The following PPP2R2C variants were observed in gnomAD, a reference collection of about 807,000 sequenced individuals.
The protein encoded by PPP2R2C is protein phosphatase 2 regulatory subunit Bgamma.
PPP2R2C carries 10 observed loss-of-function variants against 45.3 expected under a neutral mutation model. The ratio of observed to expected loss-of-function variants is 0.22; its 90% confidence interval spans 0.14 to 0.37. The LOEUF is 0.37. Among genes scored for constraint, PPP2R2C ranks in the 10% least tolerant of loss-of-function variants. The probability of loss-of-function intolerance (pLI) is 1.00; values close to 1 mark genes in which losing one functional copy is unlikely to be tolerated. For synonymous variants in PPP2R2C, 257 were observed against 245.4 expected (o/e 1.05, Z -0.44); for missense variants, 308 against 619.7 (o/e 0.50, Z 5.34).
chr4:6,406,189 G>A (rs914309809), intron 1 of PPP2R2C, among the ~76,000 whole-genome samples: 2 of 152,192 alleles, frequency 1.3e-5, no homozygotes, highest in African/African-American at 4.8e-5. Flanking sequence ...TCCTGAATGT[G>A]TCTGATGTGC....
At chr4:6,384,897 C>G (rs1036062223) in intron 1 of PPP2R2C, 2 of 966,640 alleles carry the variant, frequency 2.1e-6, no homozygotes, top group African/African-American at 3.5e-5. Flanking sequence ...AGTGCTTCAG[C>G]TGTGTGGTCT....
intron 1 of PPP2R2C, among the ~76,000 whole-genome samples, chr4:6,442,297 C>T (rs55938686): frequency 0.019 from 2,898 of 152,364 alleles, 27 homozygotes; most frequent in Non-Finnish European, 0.028. Context: ...GCTGATTCTG[C>T]CCAGAGAGGG....
At chr4:6,416,696 G>A (rs765119927) in intron 1 of PPP2R2C, among the ~76,000 whole-genome samples, 3 of 152,192 alleles carry the variant, frequency 2.0e-5, no homozygotes, top group Non-Finnish European at 4.4e-5. Context: ...CCTCCAGCCC[G>A]GGACCACAGA....
chr4:6,493,314 T>G (rs1435421797), intron 2 of PPP2R2C, among the ~76,000 whole-genome samples: 1 of 151,756 alleles, frequency 6.6e-6, no homozygotes, highest in African/African-American at 2.4e-5. Flanking sequence ...TCAGGACTAT[T>G]GTCTGTCTCC....
intron 1 of PPP2R2C, among the ~76,000 whole-genome samples, chr4:6,537,198 A>G (rs891647836): frequency 2.6e-5 from 4 of 152,044 alleles, no homozygotes; most frequent in African/African-American, 9.7e-5. Context: ...GCGAGACTCC[A>G]TCTCAAAAAA....
chr4:6,536,099 C>T (rs1015117819), intron 1 of PPP2R2C, among the ~76,000 whole-genome samples: 1 of 152,102 alleles, frequency 6.6e-6, no homozygotes, highest in South Asian at 2.1e-4. Context: ...CTCTGTGTAG[C>T]CTGAGGAAGG....
chr4:6,560,850 C>T (rs1273042195), intron 1 of PPP2R2C, among the ~76,000 whole-genome samples: 2 of 152,226 alleles, frequency 1.3e-5, no homozygotes, highest in Non-Finnish European at 2.9e-5. Flanking sequence ...GAGCATGGAG[C>T]GTGTGCTCCT....
At chr4:6,510,902 G>A (rs988435599) in intron 2 of PPP2R2C, among the ~76,000 whole-genome samples, 11 of 150,154 alleles carry the variant, frequency 7.3e-5, no homozygotes, top group Non-Finnish European at 1.2e-4. Flanking sequence ...GCTGGAACCC[G>A]GGAGGCAAAG....
chr4:6,466,711 C>G (rs550664127), intron 1 of PPP2R2C, among the ~76,000 whole-genome samples: 2 of 152,242 alleles, frequency 1.3e-5, no homozygotes, highest in South Asian at 2.1e-4. Context: ...ACCAAACATC[C>G]CTTAGCTCTG....
At chr4:6,543,739 G>T (rs1029103547) in intron 1 of PPP2R2C, among the ~76,000 whole-genome samples, 1 of 152,140 alleles carries the variant, frequency 6.6e-6, no homozygotes, top group South Asian at 2.1e-4. Flanking sequence ...AGGCTCCCTT[G>T]CCCTGCCCGT....
At chr4:6,543,050 GC>G (rs142770777) in intron 1 of PPP2R2C, among the ~76,000 whole-genome samples, 16,294 of 152,268 alleles carry the variant, frequency 0.11, 1,147 homozygotes, top group Non-Finnish European at 0.17. Flanking sequence ...CCACCCAGAC[GC>G]CCCGCAAGGA....
intron 2 of PPP2R2C, among the ~76,000 whole-genome samples, chr4:6,527,558 A>T (rs925920402): frequency 6.6e-6 from 1 of 152,206 alleles, no homozygotes; most frequent in African/African-American, 2.4e-5. Flanking sequence ...ACAGCTTGCC[A>T]GGGACTTGCC....
intron 3 of PPP2R2C, among the ~76,000 whole-genome samples, chr4:6,376,806 G>A (rs564074010): frequency 2.0e-5 from 3 of 152,226 alleles, no homozygotes; most frequent in Non-Finnish European, 4.4e-5. Flanking sequence ...GGGACAGGAC[G>A]AGGCTCCTGT....
At chr4:6,463,010 G>C (rs1203548690) in intron 1 of PPP2R2C, among the ~76,000 whole-genome samples, 1 of 152,182 alleles carries the variant, frequency 6.6e-6, no homozygotes, top group African/African-American at 2.4e-5. Flanking sequence ...ACAGAGGGAG[G>C]GGGGAAGGTG....
In PPP2R2C at chr4:6,324,903, G is replaced by A. The variant is rs1039357179; in HGVS notation, c.1053-1310C>T. 3.3e-5 allele frequency among the ~76,000 whole-genome samples: 5 copies of A among 152,356 alleles called. No homozygotes were observed. In the East Asian group the frequency reaches 9.7e-4, roughly 29 times the overall value. On this transcript the variant is annotated intron_variant, in intron 8 of 8. Transcript: ENST00000382599. The surrounding 1 kb of genome is among the most constrained non-coding windows in gnomAD (Gnocchi z 4.1). ...GAGGTGCAAGGTAACTGGGGAGGAA[G>A]AGGATGTTACGAAAAGCGACCATAA...
intron 2 of PPP2R2C, among the ~76,000 whole-genome samples, chr4:6,511,516 GT>G (rs1723485752): frequency 5.6e-5 from 1 of 18,014 alleles, no homozygotes; most frequent in African/African-American, 1.3e-4. Flanking sequence ...GGTGGTGGTG[GT>G]GGTGGTGATG....
intron 1 of PPP2R2C, among the ~76,000 whole-genome samples, chr4:6,452,019 G>A (rs905494658): frequency 8.5e-5 from 13 of 152,084 alleles, no homozygotes; most frequent in Admixed American, 7.9e-4. Flanking sequence ...GACCCATTAT[G>A]CTTCCAACTT....
At chr4:6,438,145 A>G (rs957984126) in intron 1 of PPP2R2C, among the ~76,000 whole-genome samples, 4 of 152,252 alleles carry the variant, frequency 2.6e-5, no homozygotes, top group South Asian at 4.1e-4. Flanking sequence ...TTACAGCAGT[A>G]TCTGGTCTGC....
chr4:6,347,166 T>C (rs1712043445), intron 6 of PPP2R2C, among the ~76,000 whole-genome samples: 1 of 152,164 alleles, frequency 6.6e-6, no homozygotes, highest in South Asian at 2.1e-4. Context: ...TTCTGTTTCC[T>C]CTTCTGAACA....
Sources: allele counts gnomAD v4.1 joint callset (sites outside exome capture counted in the v4.1 genomes callset), GRCh38; gene constraint gnomAD v4.1.1; non-coding constraint Gnocchi (gnomAD v3.1); transcripts MANE v1.5; gene names NCBI Gene and HGNC (gene_info 2026-07-23, HGNC 2026-07-21).